The following SDC4 variants were observed in gnomAD, a reference collection of about 807,000 sequenced individuals.
The protein encoded by SDC4 is syndecan 4.
SDC4 carries 17 observed loss-of-function variants against 20.5 expected under a neutral mutation model. That is an observed-to-expected ratio of 0.83 (90% CI 0.57 to 1.25). The LOEUF is 1.25. Among genes scored for constraint, SDC4 ranks in the 50% most tolerant of loss-of-function variants. SDC4 has a pLI of 0.00. For missense variants in SDC4, 241 were observed against 252.3 expected, an observed-to-expected ratio of 0.96 and a Z score of 0.30; for synonymous variants, 107 against 105.3, an observed-to-expected ratio of 1.02 and a Z score of -0.10.
intron 4 of SDC4, 32 bp downstream of exon 4, chr20:45,330,334 C>G: frequency 1.2e-6 from 2 of 1,603,098 alleles, no homozygotes; most frequent in Non-Finnish European, 1.7e-6. Flanking sequence ...ATTCCACCTT[C>G]AAGGCATCTT....
Position 45,335,656 on chromosome 20 carries a change from G to C in SDC4, c.199+126C>G. On this transcript the variant is annotated intron_variant, in intron 2 of 4. Coordinates refer to ENST00000372733, the MANE Select transcript of SDC4 (RefSeq NM_002999.4). ...TTTTGTTTCCCCTTTTTTTGAGAAG[G>C]AAGAAGGGCACTCTAGGAAAAGTCC... is the stretch of plus-strand genomic sequence containing the variant. The C allele has an allele frequency of 3.1e-6, 3 of 974,766 alleles. No homozygotes were observed. In the Admixed American group the frequency reaches 6.9e-5, roughly 22 times the overall value. 60.4% of individuals were successfully genotyped at this position (974,766 alleles called of 1,614,324 possible).
intron 1 of SDC4, 74 bp from the exon 2 acceptor site, chr20:45,335,994 A>C: frequency 6.6e-7 from 1 of 1,519,868 alleles, no homozygotes; most frequent in Non-Finnish European, 8.9e-7. Context: ...AAAGCTAGTG[A>C]AGTGGGCATT....
intron 2 of SDC4, among the ~76,000 whole-genome samples, chr20:45,334,849 G>C (rs6130811): frequency 0.75 from 114,042 of 152,034 alleles, 42,923 homozygotes; most frequent in East Asian, 0.95. Context: ...GGTGCCAAAA[G>C]CTTTAAGTCA....
intron 1 of SDC4, chr20:45,345,497 T>C (rs1490057658): frequency 1.3e-5 from 2 of 152,078 alleles, no homozygotes; most frequent in Non-Finnish European, 2.9e-5. Flanking sequence ...CTCCCTGGGC[T>C]CAAGAAGTCC....
intron 1 of SDC4, 72 bp from the exon 2 acceptor site, chr20:45,335,992 T>G (rs1287257019): frequency 6.6e-7 from 1 of 1,524,648 alleles, no homozygotes; most frequent in Non-Finnish European, 8.9e-7. Flanking sequence ...CAAAAGCTAG[T>G]GAAGTGGGCA....
intron 1 of SDC4, among the ~76,000 whole-genome samples, chr20:45,337,799 C>G (rs1421390263): frequency 6.6e-6 from 1 of 152,224 alleles, no homozygotes; most frequent in African/African-American, 2.4e-5. Flanking sequence ...GGAGCGGGGT[C>G]AGGCCACAAG....
Position 45,326,383 on chromosome 20 carries a change from T to TAAAAAAAAAAAAAAAAAAA in SDC4, c.*862_*880dup, listed in dbSNP as rs35186241. ...AGGCCCTATCTAAAGCTATAAATAGTAAAAAAAAAAAAAAAAAAAAAAAAT... is the reference window on the plus strand; with the variant it reads ...AGGCCCTATCTAAAGCTATAAATAGTAAAAAAAAAAAAAAAAAAAAAAAAAAAAAAAAAAAAAAAAAAAT... On this transcript the variant is annotated 3_prime_UTR_variant, in exon 5 of 5. Coordinates refer to ENST00000372733, the MANE Select transcript of SDC4 (RefSeq NM_002999.4). 1.0e-5 allele frequency: 1 copy of TAAAAAAAAAAAAAAAAAAA among 97,708 alleles called. No individual in the cohort carries two copies. The allele number at this position is 97,708 out of a possible 1,614,324, so 6.1% of individuals were successfully genotyped here.
At chr20:45,328,469 C>T (rs1385166662) in intron 4 of SDC4, among the ~76,000 whole-genome samples, 3 of 152,168 alleles carry the variant, frequency 2.0e-5, no homozygotes, top group Non-Finnish European at 2.9e-5. Flanking sequence ...ATCTGTGTCC[C>T]GAACCCCCTG....
chr20:45,330,571 G>T lies in SDC4; in HGVS notation c.247-7C>A, dbSNP rs370076335. 5.0e-6 allele frequency: 8 copies of T among 1,613,118 alleles called. No homozygotes were observed. The African/African-American group carries it at 1.1e-4, about 22-fold the overall frequency. Reference sequence around the variant, plus strand: ...TATGGTTATCTAGAGGCACCTGGATGGGCGGAAAGGAGAAGAGACACTCAG... The same window carrying T: ...TATGGTTATCTAGAGGCACCTGGATTGGCGGAAAGGAGAAGAGACACTCAG... On this transcript the variant is annotated splice_region_variant and splice_polypyrimidine_tract_variant and intron_variant, in intron 3 of 4. Coordinates refer to ENST00000372733, the MANE Select transcript of SDC4 (RefSeq NM_002999.4).
chr20:45,333,073 TA>T lies in SDC4; in HGVS notation c.200-5del. ...ATCATGGAGTCTTCCAAGTCATCTG[TA>T]AGGTCAGAATAGCTGTGTGAGTGAG... On this transcript the variant is annotated splice_polypyrimidine_tract_variant and splice_region_variant and intron_variant, in intron 2 of 4. Transcript: ENST00000372733. 6.2e-7 allele frequency: 1 copy of T among 1,614,130 alleles called. No homozygotes were observed. The highest frequency in any genetic ancestry group is 8.5e-7 in the Non-Finnish European group (1 of 1,179,966).
chr20:45,335,673 G>GA, intron 2 of SDC4, 109 bp downstream of exon 2: 11 of 1,198,738 alleles, frequency 9.2e-6, no homozygotes, highest in Middle Eastern at 2.9e-4. Context: ...GGCACTCTAG[G>GA]AAAAGTCCCA....
chr20:45,342,689 G>A (rs1407787740), intron 1 of SDC4, among the ~76,000 whole-genome samples: 1 of 152,084 alleles, frequency 6.6e-6, no homozygotes, highest in Non-Finnish European at 1.5e-5. Flanking sequence ...CAAGAACAAG[G>A]CTGGGAAGTG....
At chr20:45,337,827 A>G (rs1987895729) in intron 1 of SDC4, among the ~76,000 whole-genome samples, 1 of 152,222 alleles carries the variant, frequency 6.6e-6, no homozygotes, top group Non-Finnish European at 1.5e-5. Flanking sequence ...GTGGCCAGGA[A>G]TCACTCTCTC....
intron 4 of SDC4, among the ~76,000 whole-genome samples, chr20:45,327,636 G>C (rs1308921951): frequency 1.3e-5 from 2 of 152,204 alleles, no homozygotes; most frequent in African/African-American, 4.8e-5. Context: ...CACAGGGCTA[G>C]TGGTAAGGCC....
In SDC4 at chr20:45,333,072, G is replaced by C. The variant is rs769968940; in HGVS notation, c.200-3C>G. 8 of 1,614,008 alleles carry C rather than the reference G, an allele frequency of 5.0e-6. No homozygotes were observed. Among genetic ancestry groups the C allele is most frequent in the Non-Finnish European group, 6.8e-6 (8 of 1,179,960 alleles). On this transcript the variant is annotated splice_polypyrimidine_tract_variant and splice_region_variant and intron_variant, in intron 2 of 4. Coordinates refer to ENST00000372733, the MANE Select transcript of SDC4 (RefSeq NM_002999.4). ...GATCATGGAGTCTTCCAAGTCATCT[G>C]TAAGGTCAGAATAGCTGTGTGAGTG...
At chr20:45,330,867 G>A (rs1568904343) in intron 3 of SDC4, among the ~76,000 whole-genome samples, 1 of 152,188 alleles carries the variant, frequency 6.6e-6, no homozygotes, top group Admixed American at 6.5e-5. Context: ...AAGCAATTTG[G>A]CAAAACCTTA....
intron 1 of SDC4, among the ~76,000 whole-genome samples, chr20:45,347,680 A>T (rs1988052737): frequency 6.6e-6 from 1 of 152,188 alleles, no homozygotes. Context: ...CGAAAAGAGC[A>T]GAGTCCCCAA....
chr20:45,337,815 C>G (rs1183165062), intron 1 of SDC4, among the ~76,000 whole-genome samples: 2 of 152,204 alleles, frequency 1.3e-5, no homozygotes, highest in African/African-American at 4.8e-5. Context: ...ACAAGGAAGG[C>G]AGTGGCCAGG....
chr20:45,347,802 A>G (rs1001169714), intron 1 of SDC4, among the ~76,000 whole-genome samples: 1 of 152,144 alleles, frequency 6.6e-6, no homozygotes, highest in African/African-American at 2.4e-5. Context: ...TCACAAGTCA[A>G]TGACAGAGCT....
Sources: gnomAD v4.1 joint callset for allele counts (sites outside exome capture counted in the v4.1 genomes callset) on GRCh38, gnomAD v4.1.1 for gene constraint, MANE v1.5 for transcripts, NCBI Gene and HGNC (gene_info 2026-07-23, HGNC 2026-07-21) for gene names.